NDUFAF7: variants seen among roughly 807,000 people sequenced by gnomAD.
The protein encoded by NDUFAF7 is protein arginine methyltransferase NDUFAF7, mitochondrial.
A neutral mutation model predicts 47.2 loss-of-function variants in NDUFAF7; 48 were observed. The observed-to-expected ratio is 1.02, with a 90% confidence interval of 0.81 to 1.29. The LOEUF (loss-of-function observed/expected upper bound fraction) is 1.29, where lower values mean the gene tolerates loss of function less well. Ranked by LOEUF, NDUFAF7 falls within the 50% of genes most tolerant of loss-of-function variation. The probability of loss-of-function intolerance (pLI) is 0.00; values close to 1 mark genes in which losing one functional copy is unlikely to be tolerated. For missense variants in NDUFAF7, 635 were observed against 537.6 expected (o/e 1.18, Z -1.79); for synonymous variants, 217 against 190.0 (o/e 1.14, Z -1.17).
chr2:37,242,223 C>CTA, intron 5 of NDUFAF7: 1 of 256,348 alleles, frequency 3.9e-6, no homozygotes, highest in Non-Finnish European at 7.5e-6. Flanking sequence ...GGAATACTGA[C>CTA]TAGTATTGAC....
intron 7 of NDUFAF7, among the ~76,000 whole-genome samples, chr2:37,244,355 GT>G (rs1454708521): frequency 6.6e-6 from 1 of 152,208 alleles, no homozygotes. Context: ...CGTTTGTTGA[GT>G]ACTTTGTGTT....
chr2:37,238,979 T>G (rs1308666454), intron 4 of NDUFAF7, among the ~76,000 whole-genome samples: 1 of 151,506 alleles, frequency 6.6e-6, no homozygotes, highest in African/African-American at 2.4e-5. Flanking sequence ...GAGATACTAC[T>G]GTAACCCTTG....
downstream of NDUFAF7, chr2:37,250,523 G>A (rs903084325): frequency 2.0e-5 from 3 of 151,920 alleles, no homozygotes; most frequent in Non-Finnish European, 4.4e-5. Flanking sequence ...ATTATAAAAT[G>A]AGCTTTTTTT....
chr2:37,242,036 G>A (rs1666403522), intron 5 of NDUFAF7: 1 of 544,802 alleles, frequency 1.8e-6, no homozygotes, highest in Non-Finnish European at 3.3e-6. Context: ...AATCTCCTTT[G>A]TACTTTTGAG....
chr2:37,236,374 T>C (rs1233419320), intron 3 of NDUFAF7, among the ~76,000 whole-genome samples, 198 bp downstream of exon 3: 2 of 151,982 alleles, frequency 1.3e-5, no homozygotes, highest in African/African-American at 4.8e-5. Context: ...GAAAAGTTTA[T>C]ACTCCACTGT....
At chr2:37,247,304 A>T in intron 8 of NDUFAF7, 152 bp from the exon 9 acceptor site, 1 of 870,346 alleles carries the variant, frequency 1.1e-6, no homozygotes, top group Non-Finnish European at 1.8e-6. Context: ...TTTGTAAAAC[A>T]CTGCCTAGGT....
At chr2:37,246,848 G>C (rs1469503312) in intron 8 of NDUFAF7, among the ~76,000 whole-genome samples, 1 of 152,146 alleles carries the variant, frequency 6.6e-6, no homozygotes, top group Non-Finnish European at 1.5e-5. Context: ...GGTCTGGTTA[G>C]GGTCAGTAAT....
intron 7 of NDUFAF7, among the ~76,000 whole-genome samples, chr2:37,244,505 T>A (rs1476766557): frequency 1.3e-5 from 2 of 152,220 alleles, no homozygotes; most frequent in African/African-American, 4.8e-5. Context: ...GTAGAATTAC[T>A]ACTGCTTTCT....
the NDUFAF7 span, among the ~76,000 whole-genome samples, chr2:37,261,762 A>T: frequency 2.7e-5 from 4 of 150,818 alleles, no homozygotes; most frequent in Non-Finnish European, 4.4e-5. Context: ...CCTGGGCAAC[A>T]AGAGCAAAAC....
At chr2:37,235,894 G>C (rs775995696) in intron 2 of NDUFAF7, among the ~76,000 whole-genome samples, 2 of 152,002 alleles carry the variant, frequency 1.3e-5, no homozygotes, top group African/African-American at 4.8e-5. Flanking sequence ...TCCTGACTTC[G>C]TGATCCACCC....
chr2:37,245,930 C>G (rs1464583490), intron 7 of NDUFAF7, 122 bp from the exon 8 acceptor site: 3 of 1,101,852 alleles, frequency 2.7e-6, no homozygotes, highest in Non-Finnish European at 3.9e-6. Context: ...AGAACATACT[C>G]ATATTAAGAA....
Position 37,248,336 on chromosome 2 carries a change from C to T in NDUFAF7, c.1312C>T (p.Leu438Phe). The change falls in exon 10 of 10, where the codon CTT becomes TTT. Residue 438 changes from leucine (L) to phenylalanine (F), a missense_variant. Physicochemically the swap from Leu to Phe is conservative, Grantham distance 22. Transcript: ENST00000002125. Reference sequence around the variant, plus strand: ...ATCCGTTGTAGCTGGGTTTAGTGAACTTGCTTGGCAGTGATATTTCAGCTT... The same window carrying T: ...ATCCGTTGTAGCTGGGTTTAGTGAATTTGCTTGGCAGTGATATTTCAGCTT... ...FASVVAGFSE[L>F]AWQ 6.2e-7 allele frequency: 1 copy of T among 1,613,850 alleles called. No individual in the cohort carries two copies.
At chr2:37,262,902 C>CCA in the NDUFAF7 span, among the ~76,000 whole-genome samples, 1 of 151,460 alleles carries the variant, frequency 6.6e-6, no homozygotes, top group African/African-American at 2.4e-5. Flanking sequence ...CCTTCCCCCC[C>CCA]CCGTATTTGT....
the NDUFAF7 span, among the ~76,000 whole-genome samples, chr2:37,264,627 A>G: frequency 2.6e-5 from 4 of 152,148 alleles, no homozygotes; most frequent in African/African-American, 9.7e-5. Context: ...ACATGCAGAT[A>G]TTTGAGGGAG....
the NDUFAF7 span, among the ~76,000 whole-genome samples, chr2:37,270,989 CAAGAAT>C: frequency 1.3e-5 from 2 of 152,100 alleles, no homozygotes; most frequent in Non-Finnish European, 2.9e-5. Flanking sequence ...CTTATCTCCC[CAAGAAT>C]ATGCTGTCTA....
chr2:37,246,344 C>A, intron 8 of NDUFAF7, 149 bp downstream of exon 8: 1 of 968,828 alleles, frequency 1.0e-6, no homozygotes, highest in East Asian at 2.6e-5. Context: ...TTCCCCTTAA[C>A]CCTAGTTCTT....
chr2:37,268,415 A>G, the NDUFAF7 span: 1 of 462,542 alleles, frequency 2.2e-6, no homozygotes, highest in Middle Eastern at 3.3e-4. Context: ...ATGCAGAGTC[A>G]ACACATTTTC....
At chr2:37,243,761 TGTTA>T (rs543556466) in intron 6 of NDUFAF7, 98 bp from the exon 7 acceptor site, 3 of 804,062 alleles carry the variant, frequency 3.7e-6, no homozygotes, top group Admixed American at 2.0e-5. Flanking sequence ...TCTCTGTAAA[TGTTA>T]GTTACTTATG....
downstream of NDUFAF7, chr2:37,253,037 C>T (rs2148467187): frequency 5.0e-6 from 4 of 802,298 alleles, no homozygotes; most frequent in East Asian, 5.4e-5. Flanking sequence ...TTATGAACTA[C>T]AGTACTGGTG....
Sources: allele counts gnomAD v4.1 joint callset (sites outside exome capture counted in the v4.1 genomes callset), GRCh38; gene constraint gnomAD v4.1.1; transcripts MANE v1.5; gene names NCBI Gene and HGNC (gene_info 2026-07-23, HGNC 2026-07-21).